The following SLC35F3 variants were observed in gnomAD, a reference collection of about 807,000 sequenced individuals.
SLC35F3 encodes solute carrier family 35 member F3.
Under a neutral mutation model 49.9 loss-of-function variants are expected in SLC35F3, and 25 were observed. That is an observed-to-expected ratio of 0.50 (90% CI 0.37 to 0.70). The LOEUF is 0.70. SLC35F3 is among the 30% of genes least tolerant of loss of function. SLC35F3 has a pLI of 0.00. For synonymous variants in SLC35F3, 275 were observed against 265.4 expected, an observed-to-expected ratio of 1.04 and a Z score of -0.35; for missense variants, 525 against 639.8, an observed-to-expected ratio of 0.82 and a Z score of 1.94.
intron 2 of SLC35F3, among the ~76,000 whole-genome samples, chr1:234,113,416 T>C (rs1665437724): frequency 6.6e-6 from 1 of 152,202 alleles, no homozygotes; most frequent in African/African-American, 2.4e-5. Flanking sequence ...TTATGAGAAA[T>C]TTAAAGAAGC....
rs531110309 is a variant in SLC35F3, at chr1:234,214,602, G to C, written c.284-16815G>C. On this transcript the variant is annotated intron_variant, in intron 2 of 7. Transcript: ENST00000366618. The surrounding 1 kb of genome is among the most constrained non-coding windows in gnomAD (Gnocchi z 8.0). ...AATGCGCGGCCGCCTCGCCCCGGGGGTCCCTGCACCCTAGCCGGGGAATGC... is the reference window on the plus strand; with the variant it reads ...AATGCGCGGCCGCCTCGCCCCGGGGCTCCCTGCACCCTAGCCGGGGAATGC... 9.9e-6 allele frequency: 15 copies of C among 1,517,402 alleles called. No individual in the cohort carries two copies. The African/African-American group carries it at 1.4e-4, about 14-fold the overall frequency. The allele number at this position is 1,517,402 out of a possible 1,614,324, so 94.0% of individuals were successfully genotyped here.
At chr1:234,268,045 G>C (rs1236551973) in intron 3 of SLC35F3, among the ~76,000 whole-genome samples, 2 of 151,816 alleles carry the variant, frequency 1.3e-5, no homozygotes. Context: ...TCACTTCCCA[G>C]ACGGGGTGGC....
intron 3 of SLC35F3, among the ~76,000 whole-genome samples, chr1:234,255,738 T>C (rs571735177): frequency 2.0e-5 from 3 of 152,272 alleles, no homozygotes; most frequent in South Asian, 4.1e-4. Flanking sequence ...ACAATAAAAA[T>C]CAGTGATGAT....
intron 3 of SLC35F3, among the ~76,000 whole-genome samples, chr1:234,271,884 G>A (rs1332140859): frequency 6.6e-6 from 1 of 152,156 alleles, no homozygotes; most frequent in Admixed American, 6.5e-5. Context: ...CAGAACTTTG[G>A]GAGGCGAAGG....
intron 2 of SLC35F3, among the ~76,000 whole-genome samples, chr1:234,107,409 A>G (rs1665300766): frequency 1.3e-5 from 2 of 152,296 alleles, no homozygotes; most frequent in Admixed American, 1.3e-4. Context: ...ATGTTAAGCA[A>G]TAGACTTTAA....
At chr1:234,195,938 G>A (rs144481180) in intron 2 of SLC35F3, among the ~76,000 whole-genome samples, 135 of 152,162 alleles carry the variant, frequency 8.9e-4, no homozygotes, top group African/African-American at 2.9e-3. Flanking sequence ...GCCTTCCACC[G>A]TGATTGTGAG....
At chr1:234,045,266 G>A (rs1572030940) in intron 2 of SLC35F3, among the ~76,000 whole-genome samples, 1 of 152,040 alleles carries the variant, frequency 6.6e-6, no homozygotes, top group East Asian at 1.9e-4. Flanking sequence ...TTATAATGAA[G>A]TTTTCACAAA....
At chr1:234,222,839 G>A (rs1293099209) in intron 2 of SLC35F3, among the ~76,000 whole-genome samples, 1 of 152,144 alleles carries the variant, frequency 6.6e-6, no homozygotes, top group African/African-American at 2.4e-5. Context: ...ATATTTGTCT[G>A]GGTTTTGTGT....
At chr1:234,017,509 C>T (rs192440473) in intron 2 of SLC35F3, among the ~76,000 whole-genome samples, 6 of 151,672 alleles carry the variant, frequency 4.0e-5, no homozygotes, top group Admixed American at 3.3e-4. Context: ...GTCAGGAGAT[C>T]GAAACCATCC....
At chr1:233,946,429 C>A (rs4920185) in intron 2 of SLC35F3, among the ~76,000 whole-genome samples, 33 of 152,148 alleles carry the variant, frequency 2.2e-4, no homozygotes, top group Non-Finnish European at 3.7e-4. Flanking sequence ...GAAAAGATAT[C>A]GAATGAATAT....
At chr1:233,969,480 TGGC>T (rs1245214863) in intron 2 of SLC35F3, among the ~76,000 whole-genome samples, 1 of 152,198 alleles carries the variant, frequency 6.6e-6, no homozygotes, top group African/African-American at 2.4e-5. Context: ...TGCCTTAGTG[TGGC>T]CACCTCCTGT....
intron 2 of SLC35F3, among the ~76,000 whole-genome samples, chr1:233,979,675 G>A (rs1224167942): frequency 3.9e-5 from 6 of 152,210 alleles, no homozygotes; most frequent in Admixed American, 3.9e-4. Context: ...ACGGATAGCT[G>A]CTCTTCATTC....
chr1:234,317,817 C>T (rs1219215177), intron 5 of SLC35F3, among the ~76,000 whole-genome samples: 3 of 152,212 alleles, frequency 2.0e-5, no homozygotes, highest in Non-Finnish European at 4.4e-5. Context: ...CTCTGCTAGA[C>T]TCAAATAGCT....
chr1:234,024,578 G>A (rs1181665018), intron 2 of SLC35F3, among the ~76,000 whole-genome samples: 1 of 152,174 alleles, frequency 6.6e-6, no homozygotes, highest in Non-Finnish European at 1.5e-5. Context: ...ACTCTGCTGA[G>A]TCACCAGGTC....
rs576136062 is a variant in SLC35F3, at chr1:233,997,735, A to T, written c.283+91977A>T. Among the ~76,000 whole-genome samples the T allele has an allele frequency of 5.9e-5, 9 of 152,072 alleles. No homozygotes were observed. The South Asian group carries it at 1.9e-3, about 32-fold the overall frequency. On this transcript the variant is annotated intron_variant, in intron 2 of 7. Transcript: ENST00000366618. Reference sequence around the variant, plus strand: ...TCTGAGTGGGAATGAACAACTGCTAACATGTTCATATTTTCTTTCTTTTTT... The same window carrying T: ...TCTGAGTGGGAATGAACAACTGCTATCATGTTCATATTTTCTTTCTTTTTT...
chr1:234,028,033 A>C (rs1307535783), intron 2 of SLC35F3, among the ~76,000 whole-genome samples: 1 of 152,222 alleles, frequency 6.6e-6, no homozygotes, highest in Admixed American at 6.5e-5. Flanking sequence ...GGGTAAAACT[A>C]TATAGGCCAG....
intron 4 of SLC35F3, among the ~76,000 whole-genome samples, chr1:234,313,466 C>A (rs112627454): frequency 3.3e-5 from 5 of 152,250 alleles, no homozygotes; most frequent in African/African-American, 1.2e-4. Context: ...AAGCAGTAAT[C>A]CCCGGCCTGT....
At chr1:234,075,232 T>C (rs920259104) in intron 2 of SLC35F3, among the ~76,000 whole-genome samples, 1 of 152,130 alleles carries the variant, frequency 6.6e-6, no homozygotes, top group African/African-American at 2.4e-5. Context: ...AAACGGACCT[T>C]GGGTGAAGAA....
At chr1:233,989,489 A>G (rs542185455) in intron 2 of SLC35F3, among the ~76,000 whole-genome samples, 112 of 152,330 alleles carry the variant, frequency 7.4e-4, no homozygotes, top group African/African-American at 2.6e-3. Flanking sequence ...CTAAGCAAAT[A>G]TTACACACAA....
Sources: gnomAD v4.1 joint callset for allele counts (sites outside exome capture counted in the v4.1 genomes callset) on GRCh38, gnomAD v4.1.1 for gene constraint, Gnocchi (gnomAD v3.1) non-coding constraint, MANE v1.5 for transcripts, NCBI Gene and HGNC (gene_info 2026-07-23, HGNC 2026-07-21) for gene names.